Variants in ELAVL2 observed in about 807,000 individuals in gnomAD.
ELAVL2 encodes ELAV-like protein 2.
In ELAVL2, 4 loss-of-function variants were observed where a neutral mutation model predicts 34.6. That is an observed-to-expected ratio of 0.12 (90% CI 0.06 to 0.26). The LOEUF is 0.26. Ranked by LOEUF, ELAVL2 falls within the 10% of genes least tolerant of loss-of-function variation. ELAVL2 has a pLI of 1.00. For synonymous variants in ELAVL2, 193 were observed against 154.8 expected, an observed-to-expected ratio of 1.25 and a Z score of -1.83; for missense variants, 432 against 442.8, an observed-to-expected ratio of 0.98 and a Z score of 0.22.
In ELAVL2 at chr9:23,725,867, CT is replaced by C. The variant is rs1248827568; in HGVS notation, c.333+5154del. On this transcript the variant is annotated intron_variant, in intron 3 of 6. Coordinates refer to ENST00000397312, the MANE Select transcript of ELAVL2 (RefSeq NM_004432.5). Reference sequence around the variant, plus strand: ...ATGCAACTTAGCAGACCATGAAAAGCTTTTTTTCCTCTCCTAAAAAGCAGGT... The same window carrying C: ...ATGCAACTTAGCAGACCATGAAAAGCTTTTTTCCTCTCCTAAAAAGCAGGT... Among the ~76,000 whole-genome samples the C allele has an allele frequency of 3.9e-5, 6 of 151,980 alleles. No individual in the cohort carries two copies. In the East Asian group the frequency reaches 7.7e-4, roughly 20 times the overall value.
the ELAVL2 span, among the ~76,000 whole-genome samples, chr9:23,834,676 A>C: frequency 2.0e-5 from 3 of 152,058 alleles, no homozygotes; most frequent in African/African-American, 7.2e-5. Context: ...ATTAGCTCTC[A>C]TTAATGTCCC....
intron 1 of ELAVL2, among the ~76,000 whole-genome samples, chr9:23,779,872 C>T (rs1463589297): frequency 6.6e-6 from 1 of 151,162 alleles, no homozygotes; most frequent in Non-Finnish European, 1.5e-5. Flanking sequence ...TTTTATAGGG[C>T]ACATTAAATT....
At chr9:23,721,434 G>A (rs999928597) in intron 3 of ELAVL2, among the ~76,000 whole-genome samples, 6 of 152,178 alleles carry the variant, frequency 3.9e-5, no homozygotes, top group Non-Finnish European at 8.8e-5. Flanking sequence ...TTAGTTTCCA[G>A]GACTACATGC....
At chr9:23,723,590 G>C (rs1214814038) in intron 3 of ELAVL2, among the ~76,000 whole-genome samples, 3 of 151,008 alleles carry the variant, frequency 2.0e-5, no homozygotes, top group Admixed American at 2.0e-4. Flanking sequence ...AAAAAGAAAA[G>C]ATTTTTGGCC....
chr9:23,759,744 ATATATAGTAT>A (rs1344641179), intron 2 of ELAVL2, among the ~76,000 whole-genome samples: 11 of 109,892 alleles, frequency 1.0e-4, no homozygotes, highest in African/African-American at 4.4e-4. Flanking sequence ...TGTATACATC[ATATATAGTAT>A]TATATATATA....
chr9:23,788,021 G>C (rs898930583), intron 1 of ELAVL2, among the ~76,000 whole-genome samples: 4 of 152,154 alleles, frequency 2.6e-5, no homozygotes, highest in African/African-American at 9.7e-5. Flanking sequence ...AAAAAACCAG[G>C]TTGGAATCAT....
Position 23,762,993 on chromosome 9 carries a change from T to C in ELAVL2, c.-15-744A>G, listed in dbSNP as rs10966073. On this transcript the variant is annotated intron_variant, in intron 1 of 6. Transcript: ENST00000397312. The stretch of plus-strand genomic sequence containing the variant: ...TGGCAGCTAAAAATTACCAACAAGG[T>C]GACTGATCTACAACATCAAAATAAA... Among the ~76,000 whole-genome samples the C allele has an allele frequency of 1.6e-4, 25 of 152,168 alleles. No individual in the cohort carries two copies. In the East Asian group the frequency reaches 4.8e-3, roughly 29 times the overall value.
chr9:23,766,928 G>A (rs2056395069), intron 1 of ELAVL2, among the ~76,000 whole-genome samples: 1 of 152,108 alleles, frequency 6.6e-6, no homozygotes, highest in Non-Finnish European at 1.5e-5. Context: ...CAGTGAAACA[G>A]AGCCATTAAT....
At chr9:23,710,589 A>G (rs1239533522) in intron 3 of ELAVL2, among the ~76,000 whole-genome samples, 2 of 152,192 alleles carry the variant, frequency 1.3e-5, no homozygotes, top group Non-Finnish European at 2.9e-5. Context: ...TCACTTGTCA[A>G]TTACTGACCC....
intron 3 of ELAVL2, among the ~76,000 whole-genome samples, chr9:23,710,776 C>T (rs2040710721): frequency 6.6e-6 from 1 of 152,142 alleles, no homozygotes; most frequent in African/African-American, 2.4e-5. Flanking sequence ...AAAAATGACA[C>T]TATAACTCAA....
At chr9:23,842,033 T>C in the ELAVL2 span, among the ~76,000 whole-genome samples, 1 of 152,176 alleles carries the variant, frequency 6.6e-6, no homozygotes, top group Non-Finnish European at 1.5e-5. Flanking sequence ...TGAAATATCA[T>C]GGAACATGAA....
intron 2 of ELAVL2, 73 bp from the exon 3 acceptor site, chr9:23,731,198 A>C (rs1352815696): frequency 6.6e-6 from 9 of 1,362,900 alleles, no homozygotes; most frequent in Non-Finnish European, 9.0e-6. Flanking sequence ...TCATTTTGGC[A>C]TATGGTCTTG....
intron 1 of ELAVL2, chr9:23,821,990 C>T (rs1588860173): frequency 2.6e-5 from 4 of 151,750 alleles, no homozygotes; most frequent in Admixed American, 2.6e-4. Context: ...TGCCGGGCTT[C>T]AGCAGCTCAG....
intron 2 of ELAVL2, among the ~76,000 whole-genome samples, chr9:23,752,416 C>G (rs1379858235): frequency 6.6e-6 from 1 of 152,040 alleles, no homozygotes; most frequent in Non-Finnish European, 1.5e-5. Flanking sequence ...AAGTAACAAA[C>G]CTAGTGTACA....
chr9:23,808,683 A>G (rs1451874040), intron 1 of ELAVL2, among the ~76,000 whole-genome samples: 1 of 152,212 alleles, frequency 6.6e-6, no homozygotes. Flanking sequence ...AACATTTCAA[A>G]TATTCATAGG....
At chr9:23,836,064 A>G in the ELAVL2 span, among the ~76,000 whole-genome samples, 33,633 of 151,882 alleles carry the variant, frequency 0.22, 4,124 homozygotes, top group Non-Finnish European at 0.26. Context: ...TTTCACACTA[A>G]CCCCTCTTAA....
At chr9:23,706,510 C>G (rs1006294457) in intron 3 of ELAVL2, among the ~76,000 whole-genome samples, 3 of 152,164 alleles carry the variant, frequency 2.0e-5, no homozygotes, top group Non-Finnish European at 4.4e-5. Flanking sequence ...TGCCTATAAC[C>G]TATCTTTGCC....
At chr9:23,848,955 G>C in the ELAVL2 span, among the ~76,000 whole-genome samples, 1 of 152,110 alleles carries the variant, frequency 6.6e-6, no homozygotes, top group African/African-American at 2.4e-5. Context: ...AAGCTAAAAG[G>C]CAACTGAAAG....
intron 2 of ELAVL2, among the ~76,000 whole-genome samples, chr9:23,760,711 CA>C (rs2054771357): frequency 6.6e-6 from 1 of 152,022 alleles, no homozygotes; most frequent in South Asian, 2.1e-4. Context: ...TCATAGTGAA[CA>C]TTTAAGCAAC....
Sources: gnomAD v4.1 joint callset for allele counts (sites outside exome capture counted in the v4.1 genomes callset) on GRCh38, gnomAD v4.1.1 for gene constraint, MANE v1.5 for transcripts, NCBI Gene and HGNC (gene_info 2026-07-23, HGNC 2026-07-21) for gene names.